Variants in PIK3C3 observed in about 807,000 individuals in gnomAD.
PIK3C3 encodes the protein PI3-kinase type 3.
Under a neutral mutation model 126.1 loss-of-function variants are expected in PIK3C3, and 95 were observed. The ratio of observed to expected loss-of-function variants is 0.75; its 90% CI spans 0.64 to 0.89. PIK3C3 has a LOEUF of 0.89. PIK3C3 is among the 40% of genes least tolerant of loss of function. The probability of loss-of-function intolerance (pLI) is 0.00; values close to 1 mark genes in which losing one functional copy is unlikely to be tolerated. For missense variants in PIK3C3, 829 were observed against 1,063.2 expected, an observed-to-expected ratio of 0.78 and a Z score of 3.06; for synonymous variants, 374 against 360.0, an observed-to-expected ratio of 1.04 and a Z score of -0.44.
chr18:42,046,337 T>A (rs4890379), intron 20 of PIK3C3, among the ~76,000 whole-genome samples: 35,941 of 152,038 alleles, frequency 0.24, 4,606 homozygotes, highest in South Asian at 0.4. Context: ...AAGAAAAAAA[T>A]TGATAATAGT....
At chr18:41,999,067 CT>C (rs998483951) in intron 9 of PIK3C3, among the ~76,000 whole-genome samples, 4 of 151,068 alleles carry the variant, frequency 2.6e-5, no homozygotes, top group African/African-American at 9.7e-5. Context: ...TTTCTACCCC[CT>C]TTTTTTTTCC....
At chr18:42,029,534 A>AT (rs57593886) in intron 15 of PIK3C3, 93 bp downstream of exon 15, 7,077 of 210,802 alleles carry the variant, frequency 0.034, 179 homozygotes, top group South Asian at 0.039. Flanking sequence ...TGATACGTGA[A>AT]TTTTTTTTTT....
chr18:42,080,535 A>G (rs571342693), intron 24 of PIK3C3, among the ~76,000 whole-genome samples: 1 of 152,334 alleles, frequency 6.6e-6, no homozygotes, highest in South Asian at 2.1e-4. Flanking sequence ...CGAGTTATGG[A>G]TGACTCAGTG....
intron 12 of PIK3C3, among the ~76,000 whole-genome samples, chr18:42,019,462 G>C (rs1399515734): frequency 6.6e-6 from 1 of 152,046 alleles, no homozygotes; most frequent in Non-Finnish European, 1.5e-5. Flanking sequence ...ATTCTTTTCA[G>C]CTTCTTCAGA....
intron 3 of PIK3C3, among the ~76,000 whole-genome samples, chr18:41,969,295 ACTTTATGTTTGAAAATT>A: frequency 6.6e-6 from 1 of 152,240 alleles, no homozygotes; most frequent in Middle Eastern, 3.4e-3. Context: ...GTTTGAGTAG[ACTTTATGTTTGAAAATT>A]CTTGTTCAAA....
intron 24 of PIK3C3, among the ~76,000 whole-genome samples, chr18:42,074,859 G>A (rs535599691): frequency 1.3e-4 from 20 of 151,990 alleles, no homozygotes; most frequent in Admixed American, 1.0e-3. Flanking sequence ...TCCCTCATAC[G>A]TGCCAGACTA....
chr18:42,050,723 CAAACA>C (rs752852076), intron 21 of PIK3C3: 3 of 152,336 alleles, frequency 2.0e-5, no homozygotes, highest in Non-Finnish European at 2.9e-5. Flanking sequence ...CCACTTGAAG[CAAACA>C]ATATATGTTG....
chr18:42,053,938 A>G (rs956700433), intron 21 of PIK3C3, among the ~76,000 whole-genome samples: 6 of 151,454 alleles, frequency 4.0e-5, no homozygotes, highest in African/African-American at 1.5e-4. Flanking sequence ...CCTGATCTTG[A>G]GTTGCCATTT....
chr18:42,056,080 A>T lies in PIK3C3; in HGVS notation c.2264-1803A>T, dbSNP rs564568793. 1.9e-3 allele frequency among the ~76,000 whole-genome samples: 295 copies of T among 151,978 alleles called. 1 individual carries two copies. The highest frequency in any genetic ancestry group is 6.5e-3 in the African/African-American group (269 of 41,464). ...ATCATACTCTCTGAACTTCTTAAAC[A>T]TTTTTTTTAAATTTCATTATGTGTA... is the stretch of plus-strand genomic sequence containing the variant. On this transcript the variant is annotated intron_variant, in intron 21 of 24. Transcript: ENST00000262039.
intron 9 of PIK3C3, among the ~76,000 whole-genome samples, chr18:41,999,203 A>T (rs550270278): frequency 2.0e-5 from 3 of 152,138 alleles, no homozygotes; most frequent in Admixed American, 6.5e-5. Context: ...AGTATTTTCA[A>T]ATTCACAGTT....
intron 9 of PIK3C3, among the ~76,000 whole-genome samples, chr18:42,000,473 A>T (rs1982231866): frequency 6.6e-6 from 1 of 152,156 alleles, no homozygotes; most frequent in Non-Finnish European, 1.5e-5. Context: ...AGGGCAAGGG[A>T]TGGAGAAGAA....
At chr18:42,064,058 C>A (rs1251934344) in intron 22 of PIK3C3, among the ~76,000 whole-genome samples, 1 of 152,124 alleles carries the variant, frequency 6.6e-6, no homozygotes, top group African/African-American at 2.4e-5. Context: ...AGAATAGTAA[C>A]ATTTGTTCTC....
intron 10 of PIK3C3, among the ~76,000 whole-genome samples, chr18:42,005,744 A>G (rs1208279427): frequency 6.6e-6 from 1 of 151,622 alleles, no homozygotes; most frequent in Admixed American, 6.6e-5. Flanking sequence ...AATTTCAAGA[A>G]GCAAATTAAA....
chr18:42,017,472 A>G, intron 12 of PIK3C3, among the ~76,000 whole-genome samples: 1 of 152,168 alleles, frequency 6.6e-6, no homozygotes, highest in South Asian at 2.1e-4. Flanking sequence ...GAGCAAGCTT[A>G]TTGTGTTATT....
chr18:41,960,481 G>A (rs1279175725), intron 2 of PIK3C3, among the ~76,000 whole-genome samples: 1 of 152,168 alleles, frequency 6.6e-6, no homozygotes, highest in African/African-American at 2.4e-5. Flanking sequence ...TAGCACAATG[G>A]TATGCGGTGA....
rs184526238 is a variant in PIK3C3, at chr18:42,013,185, A to G, written c.1171-257A>G. Among the ~76,000 whole-genome samples the G allele has an allele frequency of 3.2e-3, 483 of 149,640 alleles. 1 individual carries two copies. Among genetic ancestry groups the G allele is most frequent in the African/African-American group, 0.011 (455 of 40,386 alleles). On this transcript the variant is annotated intron_variant, in intron 10 of 24. Transcript: ENST00000262039. ...ACTGGCCACTTAGTCTGTGCCGGAC[A>G]CTATACTGTGACTTTCTTTTATTTA...
chr18:42,024,185 C>T (rs1036507107), intron 13 of PIK3C3, among the ~76,000 whole-genome samples: 1 of 152,062 alleles, frequency 6.6e-6, no homozygotes, highest in Non-Finnish European at 1.5e-5. Context: ...AACAGGTAGC[C>T]CACTGATGTC....
intron 1 of PIK3C3, among the ~76,000 whole-genome samples, chr18:41,957,016 A>G (rs999150698): frequency 2.6e-5 from 4 of 152,226 alleles, no homozygotes; most frequent in Non-Finnish European, 4.4e-5. Context: ...TGATCAGACA[A>G]TGCATATGCA....
Position 42,004,410 on chromosome 18 carries a change from C to T in PIK3C3, c.1039C>T (p.Gln347Ter), listed in dbSNP as rs749515799. 6.8e-6 allele frequency: 11 copies of T among 1,613,438 alleles called. No homozygotes were observed. In the African/African-American group the frequency reaches 1.5e-4, roughly 22 times the overall value. Residue 347 changes from glutamine (Q) to a stop codon, truncating the protein, a stop_gained, in exon 10 of 25, where the codon CAG becomes TAG. Transcript: ENST00000262039. LOFTEE classifies it high-confidence loss of function. Reference sequence around the variant, plus strand: ...TTGGGATCTACCTCAAGAGGCCAAACAGGCCTTGGAACTTCTGGGAAAATG... The same window carrying T: ...TTGGGATCTACCTCAAGAGGCCAAATAGGCCTTGGAACTTCTGGGAAAATG... ...VNWDLPQEAK[Q>*]ALELLGKWKP...
Sources: allele counts gnomAD v4.1 joint callset (sites outside exome capture counted in the v4.1 genomes callset), GRCh38; gene constraint gnomAD v4.1.1; transcripts MANE v1.5; gene names NCBI Gene and HGNC (gene_info 2026-07-23, HGNC 2026-07-21).